The following CAST variants were observed in gnomAD, a reference collection of about 807,000 sequenced individuals.
The protein encoded by CAST is MIR583 host.
Under a neutral mutation model 119.6 loss-of-function variants are expected in CAST, and 76 were observed. That is an observed-to-expected ratio of 0.64 (90% CI 0.53 to 0.77). CAST has a LOEUF of 0.77. Among genes scored for constraint, CAST ranks in the 30% least tolerant of loss-of-function variants. The pLI, the probability that CAST is intolerant of heterozygous loss-of-function variation, is 0.00. For synonymous variants in CAST, 319 were observed against 331.6 expected, an observed-to-expected ratio of 0.96 and a Z score of 0.41; for missense variants, 953 against 946.5, an observed-to-expected ratio of 1.01 and a Z score of -0.09.
the CAST span, among the ~76,000 whole-genome samples, chr5:96,487,011 C>T: frequency 6.6e-6 from 1 of 152,202 alleles, no homozygotes; most frequent in Non-Finnish European, 1.5e-5. Context: ...CACTTGTGGA[C>T]CTTAACTGGG....
chr5:95,988,446 G>A, the CAST span, among the ~76,000 whole-genome samples: 1 of 151,966 alleles, frequency 6.6e-6, no homozygotes, highest in African/African-American at 2.4e-5. Context: ...CAATGATAAG[G>A]GAAGTCCCTA....
rs59338324 is a variant in CAST at position 96,765,327 on chromosome 5, TAAAAAA to T, written c.2037+23_2037+28del. 8,278 of 506,914 alleles carry T rather than the reference TAAAAAA, an allele frequency of 0.016. 15 individuals carry two copies. The highest frequency in any genetic ancestry group is 0.022 in the Middle Eastern group (41 of 1,854). The allele number at this position is 506,914 out of a possible 1,614,324, so 31.4% of individuals were successfully genotyped here. A position where few individuals can be genotyped will look rare whatever the true frequency, so the allele number is the denominator to read the frequency against. ...AAACCAATGGAAGATAAAGTAAAGG[TAAAAAA>T]AAAAAAAAAAAAAAAAAAAATTCAC... is the stretch of plus-strand genomic sequence containing the variant. On this transcript the variant is annotated splice_donor_5th_base_variant and intron_variant, in intron 26 of 31. Transcript: ENST00000675179.
chr5:95,987,866 G>T, the CAST span, among the ~76,000 whole-genome samples: 1 of 152,170 alleles, frequency 6.6e-6, no homozygotes, highest in Non-Finnish European at 1.5e-5. Context: ...AATTGCACTA[G>T]CCACATTTAA....
chr5:96,327,280 G>A, the CAST span, among the ~76,000 whole-genome samples: 1 of 152,130 alleles, frequency 6.6e-6, no homozygotes, highest in Non-Finnish European at 1.5e-5. Context: ...TCAATAAATG[G>A]TAATTGTTAT....
chr5:96,297,133 C>A, the CAST span, among the ~76,000 whole-genome samples: 1 of 152,144 alleles, frequency 6.6e-6, no homozygotes, highest in Admixed American at 6.5e-5. Flanking sequence ...CATATTTAGA[C>A]AGCTTTCTGT....
At chr5:96,318,014 T>G in the CAST span, among the ~76,000 whole-genome samples, 1 of 152,222 alleles carries the variant, frequency 6.6e-6, no homozygotes, top group African/African-American at 2.4e-5. Context: ...ATGATAATGC[T>G]ATCATGGCGT....
chr5:96,621,502 T>C (rs1418939311), intron 1 of CAST, among the ~76,000 whole-genome samples: 1 of 152,152 alleles, frequency 6.6e-6, no homozygotes, highest in Non-Finnish European at 1.5e-5. Context: ...AGCAGGCATG[T>C]CTCATATCGC....
chr5:96,747,605 C>G (rs1282205533), intron 18 of CAST, among the ~76,000 whole-genome samples: 1 of 152,126 alleles, frequency 6.6e-6, no homozygotes, highest in African/African-American at 2.4e-5. Context: ...CATTACTAGA[C>G]TATAAATTTC....
chr5:96,245,632 A>C, the CAST span, among the ~76,000 whole-genome samples: 41 of 152,206 alleles, frequency 2.7e-4, no homozygotes, highest in East Asian at 4.0e-3. Context: ...AAAAAAAAAA[A>C]AAAAACAAAT....
chr5:96,346,881 T>C, the CAST span, among the ~76,000 whole-genome samples: 2 of 152,122 alleles, frequency 1.3e-5, no homozygotes, highest in East Asian at 3.9e-4. Context: ...TAGGTGTGAA[T>C]TGAGGCACTG....
chr5:96,672,229 G>GTCTCTC (rs139068540), intron 1 of CAST, among the ~76,000 whole-genome samples: 1 of 149,754 alleles, frequency 6.7e-6, no homozygotes, highest in Non-Finnish European at 1.5e-5. Flanking sequence ...CTCTCTCTCT[G>GTCTCTC]TCTCTCTCTC....
chr5:96,625,750 C>G (rs982477087), intron 1 of CAST, among the ~76,000 whole-genome samples: 1 of 152,182 alleles, frequency 6.6e-6, no homozygotes, highest in South Asian at 2.1e-4. Context: ...TGGCTGACAG[C>G]CCCGGTTGCA....
chr5:96,162,395 A>C, the CAST span, among the ~76,000 whole-genome samples: 1 of 152,090 alleles, frequency 6.6e-6, no homozygotes, highest in Non-Finnish European at 1.5e-5. Flanking sequence ...TCATTCTACT[A>C]GCACGGGATG....
the CAST span, among the ~76,000 whole-genome samples, chr5:96,120,731 C>A: frequency 6.8e-6 from 1 of 146,474 alleles, no homozygotes; most frequent in South Asian, 2.1e-4. Flanking sequence ...ATATAATATA[C>A]ATATATATAA....
chr5:96,346,075 G>A, the CAST span, among the ~76,000 whole-genome samples: 1 of 152,194 alleles, frequency 6.6e-6, no homozygotes. Flanking sequence ...AAATGATGGA[G>A]TTTGCATTTG....
At chr5:96,186,248 C>T in the CAST span, among the ~76,000 whole-genome samples, 1 of 152,152 alleles carries the variant, frequency 6.6e-6, no homozygotes. Flanking sequence ...AGCTTTTGGG[C>T]TGAGACAATG....
chr5:96,000,336 G>T, the CAST span, among the ~76,000 whole-genome samples: 44 of 152,236 alleles, frequency 2.9e-4, no homozygotes, highest in Middle Eastern at 3.4e-3. Context: ...CTAATTTAAG[G>T]TCTTCAAGGT....
chr5:96,255,614 G>A, the CAST span, among the ~76,000 whole-genome samples: 1 of 152,110 alleles, frequency 6.6e-6, no homozygotes, highest in Non-Finnish European at 1.5e-5. Context: ...CATTTTTAAT[G>A]GATGATGACC....
At chr5:96,705,000 A>C (rs947382109) in intron 3 of CAST, among the ~76,000 whole-genome samples, 5 of 152,182 alleles carry the variant, frequency 3.3e-5, no homozygotes, top group African/African-American at 1.2e-4. Context: ...TGGGTACTAC[A>C]TCCAATTTTT....
Sources: allele counts gnomAD v4.1 joint callset (sites outside exome capture counted in the v4.1 genomes callset), GRCh38; gene constraint gnomAD v4.1.1; transcripts MANE v1.5; gene names NCBI Gene and HGNC (gene_info 2026-07-23, HGNC 2026-07-21).